SIGLECL1: variants seen among roughly 807,000 people sequenced by gnomAD.
The protein encoded by SIGLECL1 is SIGLEC family-like protein 1.
In SIGLECL1, 16 loss-of-function variants were observed where a neutral mutation model predicts 19.1. The ratio of observed to expected loss-of-function variants is 0.84; its 90% CI spans 0.57 to 1.27. SIGLECL1 has a LOEUF of 1.27. Ranked by LOEUF, SIGLECL1 falls within the 50% of genes most tolerant of loss-of-function variation. The pLI is 0.00. For missense variants in SIGLECL1, 210 were observed against 239.4 expected, an observed-to-expected ratio of 0.88 and a Z score of 0.81; for synonymous variants, 89 against 90.4, an observed-to-expected ratio of 0.98 and a Z score of 0.09.
intron 1 of SIGLECL1, among the ~76,000 whole-genome samples, chr19:51,254,168 AT>A (rs894168843): frequency 1.2e-4 from 18 of 151,912 alleles, no homozygotes; most frequent in Admixed American, 2.0e-4. Context: ...TACAGAAAAT[AT>A]TTTTTTTAAA....
At chr19:51,257,463 C>G (rs1982892180) in intron 1 of SIGLECL1, among the ~76,000 whole-genome samples, 1 of 151,978 alleles carries the variant, frequency 6.6e-6, no homozygotes, top group Admixed American at 6.6e-5. Flanking sequence ...GGTATACTCC[C>G]TTCCCCAAAC....
Position 51,264,005 on chromosome 19 carries a change from G to T in SIGLECL1, c.-68G>T. The T allele has an allele frequency of 1.3e-6, 2 of 1,597,654 alleles. No individual in the cohort carries two copies. Among genetic ancestry groups the T allele is most frequent in the Non-Finnish European group, 1.7e-6 (2 of 1,166,816 alleles). The stretch of plus-strand genomic sequence containing the variant: ...CACCTCACTCCTTCTGAACCATATG[G>T]TTCTGATGTCAGAGCCAGTGTAGTA... On this transcript the variant is annotated 5_prime_UTR_variant, in exon 2 of 6. Coordinates refer to ENST00000601727, the MANE Select transcript of SIGLECL1 (RefSeq NM_001385465.1).
rs139583927 is a variant in SIGLECL1, at chr19:51,267,430, G to C, written c.468G>C (p.Lys156Asn). The change falls in exon 5 of 6, where the codon AAG becomes AAC. Residue 156 changes from lysine (K) to asparagine (N), a missense_variant. Transcript: ENST00000601727. The stretch of plus-strand genomic sequence containing the variant: ...AAGCTGCAGCGATCAGAGCAAAAAA[G>C]AGCTCTAAAGTCAGAGCAAGCCAAG... ...AKKAAAIRAK[K>N]SSKVRASQEL... 1.9e-6 allele frequency: 3 copies of C among 1,614,122 alleles called. No individual in the cohort carries two copies. The highest frequency in any genetic ancestry group is 2.5e-6 in the Non-Finnish European group (3 of 1,180,038).
intron 1 of SIGLECL1, among the ~76,000 whole-genome samples, chr19:51,257,439 A>G (rs1430904498): frequency 6.6e-6 from 1 of 151,796 alleles, no homozygotes; most frequent in African/African-American, 2.4e-5. Context: ...GAAAAGAAAG[A>G]AAACACTACC....
At chr19:51,246,873 AG>A (rs1982277413), upstream of SIGLECL1, among the ~76,000 whole-genome samples, 1 of 152,204 alleles carries the variant, frequency 6.6e-6, no homozygotes, top group South Asian at 2.1e-4. Context: ...GGACCCATTT[AG>A]TTTAAATAAA....
At chr19:51,250,816 C>T (rs1982433703), upstream of SIGLECL1, among the ~76,000 whole-genome samples, 1 of 152,190 alleles carries the variant, frequency 6.6e-6, no homozygotes, top group African/African-American at 2.4e-5. Flanking sequence ...GAGGGAGTTG[C>T]AGTTGCAGTT....
chr19:51,258,454 T>C (rs1014674878), intron 1 of SIGLECL1, among the ~76,000 whole-genome samples: 1 of 152,226 alleles, frequency 6.6e-6, no homozygotes, highest in African/African-American at 2.4e-5. Flanking sequence ...AAGTTACCAT[T>C]GCTTTTTCAA....
chr19:51,262,865 T>C (rs1399841254), intron 1 of SIGLECL1, among the ~76,000 whole-genome samples: 1 of 149,304 alleles, frequency 6.7e-6, no homozygotes, highest in Non-Finnish European at 1.5e-5. Flanking sequence ...CCATACTCTA[T>C]GAATTACTAT....
At chr19:51,265,968 G>A in intron 4 of SIGLECL1, 86 bp downstream of exon 4, 2 of 1,347,804 alleles carry the variant, frequency 1.5e-6, no homozygotes, top group Non-Finnish European at 2.1e-6. Flanking sequence ...GCAAAGACAG[G>A]ACCCCTCCCC....
intron 1 of SIGLECL1, among the ~76,000 whole-genome samples, chr19:51,261,389 T>A (rs1278912680): frequency 1.3e-5 from 2 of 152,032 alleles, no homozygotes; most frequent in African/African-American, 4.8e-5. Context: ...CCCAGGTTCA[T>A]GCCATTCTCC....
upstream of SIGLECL1, among the ~76,000 whole-genome samples, chr19:51,247,868 C>T (rs11084063): frequency 0.1 from 15,199 of 152,242 alleles, 1,413 homozygotes; most frequent in East Asian, 0.32. Flanking sequence ...TGAACGGGTC[C>T]TGTTAAGAAT....
In SIGLECL1 at chr19:51,264,206, T is replaced by G. The variant is rs1049722387; in HGVS notation, c.22+112T>G. On this transcript the variant is annotated intron_variant, in intron 2 of 5. Coordinates refer to ENST00000601727, the MANE Select transcript of SIGLECL1 (RefSeq NM_001385465.1). Reference sequence around the variant, plus strand: ...TGGAGGCATGGAGAAAGAGGACATATGGGCATAAGTACCAAATAATCAACA... The same window carrying G: ...TGGAGGCATGGAGAAAGAGGACATAGGGGCATAAGTACCAAATAATCAACA... The G allele has an allele frequency of 8.3e-6, 10 of 1,199,868 alleles. No individual in the cohort carries two copies. The African/African-American group carries it at 1.5e-4, about 18-fold the overall frequency. The allele number at this position is 1,199,868 out of a possible 1,614,324, so 74.3% of individuals were successfully genotyped here. A position where few individuals can be genotyped will look rare whatever the true frequency, so the allele number is the denominator to read the frequency against.
At chr19:51,249,257 G>C (rs1599786219), upstream of SIGLECL1, among the ~76,000 whole-genome samples, 1 of 152,082 alleles carries the variant, frequency 6.6e-6, no homozygotes, top group East Asian at 1.9e-4. Context: ...AAGCAGTTTA[G>C]GTACTGATAA....
intron 1 of SIGLECL1, among the ~76,000 whole-genome samples, chr19:51,252,276 A>C (rs1335191007): frequency 3.3e-5 from 5 of 151,746 alleles, no homozygotes; most frequent in Non-Finnish European, 7.4e-5. Flanking sequence ...CAGCCTGGGC[A>C]ACACAGCGAG....
chr19:51,257,459 C>T (rs1417467835), intron 1 of SIGLECL1, among the ~76,000 whole-genome samples: 2 of 151,760 alleles, frequency 1.3e-5, no homozygotes, highest in Non-Finnish European at 2.9e-5. Context: ...CCCTGGTATA[C>T]TCCCTTCCCC....
intron 2 of SIGLECL1, among the ~76,000 whole-genome samples, chr19:51,264,669 C>T (rs1983505545): frequency 6.6e-6 from 1 of 152,138 alleles, no homozygotes; most frequent in South Asian, 2.1e-4. Flanking sequence ...CCTCCTAATC[C>T]ATGATATTCA....
chr19:51,254,622 A>C (rs10418346), intron 1 of SIGLECL1, among the ~76,000 whole-genome samples: 10,868 of 152,158 alleles, frequency 0.071, 1,265 homozygotes, highest in African/African-American at 0.25. Context: ...GGTTGCCTAC[A>C]ACTAGGGGGT....
rs538000117 is a variant in SIGLECL1, at chr19:51,253,387, A to AG, written c.-191+1842_-191+1843insG. On this transcript the variant is annotated intron_variant, in intron 1 of 5. Coordinates refer to ENST00000601727, the MANE Select transcript of SIGLECL1 (RefSeq NM_001385465.1). ...TTGACTTGAATTTAAAATTTAAAAAAAAGAGAGAGAGAGAAGCTGGTTGTT... is the reference window on the plus strand; with the variant it reads ...TTGACTTGAATTTAAAATTTAAAAAAGAAGAGAGAGAGAGAAGCTGGTTGTT... 2.7e-3 allele frequency among the ~76,000 whole-genome samples: 375 copies of AG among 137,634 alleles called. 4 individuals are homozygous for AG. Among genetic ancestry groups the AG allele is most frequent in the African/African-American group, 0.012 (354 of 30,158 alleles). The allele number at this position is 137,634 out of a possible 152,430, so 90.3% of individuals were successfully genotyped here. A position where few individuals can be genotyped will look rare whatever the true frequency, so the allele number is the denominator to read the frequency against.
upstream of SIGLECL1, among the ~76,000 whole-genome samples, chr19:51,247,665 G>A (rs1285169148): frequency 1.3e-5 from 2 of 152,166 alleles, no homozygotes; most frequent in Admixed American, 6.5e-5. Context: ...TGATCCACCC[G>A]CCTCAGCCTC....
Sources: allele counts gnomAD v4.1 joint callset (sites outside exome capture counted in the v4.1 genomes callset), GRCh38; gene constraint gnomAD v4.1.1; transcripts MANE v1.5; gene names NCBI Gene and HGNC (gene_info 2026-07-23, HGNC 2026-07-21).